The following AGK variants were observed in gnomAD, a reference collection of about 807,000 sequenced individuals.
AGK encodes acylglycerol kinase, mitochondrial.
In AGK, 52 loss-of-function variants were observed where a neutral mutation model predicts 66.4. The observed-to-expected ratio is 0.78, with a 90% CI of 0.63 to 0.99. AGK has a LOEUF of 0.99. Among genes scored for constraint, AGK ranks in the 50% least tolerant of loss-of-function variants. AGK has a pLI of 0.00. For synonymous variants in AGK, 182 were observed against 181.1 expected (o/e 1.00, Z -0.04); for missense variants, 451 against 506.6 (o/e 0.89, Z 1.05).
intron 9 of AGK, among the ~76,000 whole-genome samples, chr7:141,624,309 C>T (rs1283022567): frequency 6.6e-6 from 1 of 152,138 alleles, no homozygotes; most frequent in Non-Finnish European, 1.5e-5. Flanking sequence ...GAGACCCCAT[C>T]TATACAAAAA....
intron 2 of AGK, among the ~76,000 whole-genome samples, chr7:141,584,954 G>T (rs1795965638): frequency 6.6e-6 from 1 of 152,170 alleles, no homozygotes; most frequent in South Asian, 2.1e-4. Context: ...GTTGCATTGG[G>T]CTTGGGAGAG....
At chr7:141,599,442 T>G (rs759813225) in intron 4 of AGK, 1 of 152,150 alleles carries the variant, frequency 6.6e-6, no homozygotes, top group Non-Finnish European at 1.5e-5. Context: ...TTCAATCTTT[T>G]ATATAGAAAA....
At chr7:141,577,421 C>T (rs1795769369) in intron 2 of AGK, among the ~76,000 whole-genome samples, 1 of 152,206 alleles carries the variant, frequency 6.6e-6, no homozygotes, top group African/African-American at 2.4e-5. Context: ...GAACCACCCC[C>T]CAGTTCTGTA....
At chr7:141,610,599 C>T (rs534424801) in intron 5 of AGK, among the ~76,000 whole-genome samples, 1 of 152,294 alleles carries the variant, frequency 6.6e-6, no homozygotes, top group Admixed American at 6.5e-5. Flanking sequence ...ATAATAACCT[C>T]CTTTTATTTA....
At chr7:141,634,128 A>C in intron 10 of AGK, 148 bp downstream of exon 10, 1 of 702,584 alleles carries the variant, frequency 1.4e-6, no homozygotes, top group South Asian at 1.7e-5. Flanking sequence ...AGGTAGGAAC[A>C]ATCAGGTAGA....
intron 9 of AGK, among the ~76,000 whole-genome samples, chr7:141,628,526 T>C (rs1188568833): frequency 6.6e-6 from 1 of 152,206 alleles, no homozygotes; most frequent in African/African-American, 2.4e-5. Context: ...AATCCAACCC[T>C]ATTAAACATA....
Position 141,654,087 on chromosome 7 carries a change from T to TAATC in AGK, c.*1165_*1168dup, listed in dbSNP as rs1234473612. 1 of 152,226 alleles carries TAATC rather than the reference T, an allele frequency of 6.6e-6. No individual in the cohort carries two copies. Among genetic ancestry groups the TAATC allele is most frequent in the East Asian group, 1.9e-4 (1 of 5,196 alleles). 9.4% of individuals were successfully genotyped at this position (152,226 alleles called of 1,614,324 possible). A position where few individuals can be genotyped will look rare whatever the true frequency, so the allele number is the denominator to read the frequency against. The stretch of plus-strand genomic sequence containing the variant: ...GTAATCTATTATGCCCGACATCTTT[T>TAATC]AATCATTCACCCCATTACTTCTTGT... On this transcript the variant is annotated 3_prime_UTR_variant, in exon 16 of 16. Coordinates refer to ENST00000649286, the MANE Select transcript of AGK (RefSeq NM_018238.4).
Position 141,636,869 on chromosome 7 carries a change from A to G in AGK, c.669-91A>G. The G allele has an allele frequency of 2.9e-6, 3 of 1,041,070 alleles. No individual in the cohort carries two copies. In the South Asian group the frequency reaches 4.4e-5, roughly 15 times the overall value. 64.5% of individuals were successfully genotyped at this position (1,041,070 alleles called of 1,614,324 possible). On this transcript the variant is annotated intron_variant, in intron 10 of 15. Coordinates refer to ENST00000649286, the MANE Select transcript of AGK (RefSeq NM_018238.4). ...GAATAGCCACTCATAGCAGAGATGTAATTCTAATGTATTGTCTGCCATGAA... is the reference window on the plus strand; with the variant it reads ...GAATAGCCACTCATAGCAGAGATGTGATTCTAATGTATTGTCTGCCATGAA...
intron 1 of AGK, among the ~76,000 whole-genome samples, chr7:141,553,356 C>G (rs1183872650): frequency 2.0e-5 from 3 of 152,136 alleles, no homozygotes; most frequent in African/African-American, 7.2e-5. Context: ...CCACAAAACT[C>G]CTTCGTTACT....
intron 2 of AGK, among the ~76,000 whole-genome samples, chr7:141,578,084 G>A (rs570339109): frequency 7.2e-4 from 110 of 152,228 alleles, no homozygotes; most frequent in African/African-American, 2.2e-3. Context: ...AGTATCACGC[G>A]CGTCCATGTG....
At chr7:141,557,024 G>C (rs1350765998) in intron 2 of AGK, among the ~76,000 whole-genome samples, 1 of 152,086 alleles carries the variant, frequency 6.6e-6, no homozygotes, top group Non-Finnish European at 1.5e-5. Flanking sequence ...TGGAGATTAA[G>C]GACTACATTT....
intron 8 of AGK, among the ~76,000 whole-genome samples, chr7:141,617,009 G>A (rs1243786217): frequency 3.9e-5 from 6 of 151,926 alleles, no homozygotes; most frequent in Admixed American, 2.0e-4. Context: ...CGCCCGCCTC[G>A]GCCTCCCAAA....
intron 9 of AGK, among the ~76,000 whole-genome samples, chr7:141,632,981 C>G (rs562188417): frequency 1.5e-4 from 23 of 152,180 alleles, no homozygotes; most frequent in Non-Finnish European, 5.9e-5. Flanking sequence ...CTTACCCTTG[C>G]GGAGAAGACA....
At chr7:141,614,639 T>A (rs966109050) in intron 7 of AGK, among the ~76,000 whole-genome samples, 19 of 150,636 alleles carry the variant, frequency 1.3e-4, no homozygotes, top group African/African-American at 4.2e-4. Flanking sequence ...TATGTATGGT[T>A]AATGGATGCT....
intron 8 of AGK, among the ~76,000 whole-genome samples, chr7:141,617,257 T>G (rs533308703): frequency 1.3e-5 from 2 of 152,256 alleles, no homozygotes; most frequent in African/African-American, 4.8e-5. Context: ...TGGAGACCCC[T>G]TGCCTGTCCA....
At chr7:141,557,736 C>G (rs530787076) in intron 2 of AGK, among the ~76,000 whole-genome samples, 1 of 152,356 alleles carries the variant, frequency 6.6e-6, no homozygotes, top group African/African-American at 2.4e-5. Flanking sequence ...TCACCCTTGA[C>G]ATTCAATGTT....
At chr7:141,621,254 A>G (rs1316044124) in intron 8 of AGK, among the ~76,000 whole-genome samples, 2 of 152,200 alleles carry the variant, frequency 1.3e-5, no homozygotes. Flanking sequence ...AGCGCATCCT[A>G]GTAGTCCTGG....
At chr7:141,564,164 C>T (rs1795413901) in intron 2 of AGK, among the ~76,000 whole-genome samples, 1 of 152,210 alleles carries the variant, frequency 6.6e-6, no homozygotes, top group Admixed American at 6.5e-5. Context: ...GCTTTCCTAT[C>T]TCCCTCTCAT....
intron 6 of AGK, among the ~76,000 whole-genome samples, chr7:141,612,650 G>A (rs1796615686): frequency 6.6e-6 from 1 of 152,054 alleles, no homozygotes; most frequent in South Asian, 2.1e-4. Context: ...GAGGGGACAT[G>A]GGAAATCTCT....
Sources: gnomAD v4.1 joint callset for allele counts (sites outside exome capture counted in the v4.1 genomes callset) on GRCh38, gnomAD v4.1.1 for gene constraint, MANE v1.5 for transcripts, NCBI Gene and HGNC (gene_info 2026-07-23, HGNC 2026-07-21) for gene names.